Variants in OCA2 observed in about 807,000 individuals in gnomAD.
OCA2 encodes the protein OCA2 melanosomal transmembrane protein.
In OCA2, 77 loss-of-function variants were observed where a neutral mutation model predicts 100.2. The ratio of observed to expected loss-of-function variants is 0.77; its 90% CI spans 0.64 to 0.93. OCA2 has a LOEUF of 0.93. OCA2 is among the 40% of genes least tolerant of loss of function. The pLI, the probability that OCA2 is intolerant of heterozygous loss-of-function variation, is 0.00. For synonymous variants in OCA2, 432 were observed against 439.2 expected, an observed-to-expected ratio of 0.98 and a Z score of 0.21; for missense variants, 1,062 against 1,089.1, an observed-to-expected ratio of 0.98 and a Z score of 0.35.
intron 1 of OCA2, among the ~76,000 whole-genome samples, chr15:28,098,690 C>T (rs1416094854): frequency 6.6e-6 from 1 of 152,212 alleles, no homozygotes; most frequent in Non-Finnish European, 1.5e-5. Context: ...AAACCCAGAG[C>T]GTCCACATAC....
At chr15:27,851,264 G>A in intron 22 of OCA2, 118 bp downstream of exon 22, 2 of 864,536 alleles carry the variant, frequency 2.3e-6, no homozygotes, top group South Asian at 1.4e-5. Context: ...TGTCCACTCA[G>A]GAAATCATCC....
intron 9 of OCA2, among the ~76,000 whole-genome samples, chr15:28,001,963 C>T (rs1012584704): frequency 2.0e-5 from 3 of 152,200 alleles, no homozygotes; most frequent in African/African-American, 7.2e-5. Flanking sequence ...GCTCACGGCA[C>T]TCTGCACCAT....
chr15:27,771,370 G>C (rs1442759632), intron 23 of OCA2, among the ~76,000 whole-genome samples: 1 of 148,040 alleles, frequency 6.8e-6, no homozygotes, highest in Non-Finnish European at 1.5e-5. Context: ...GAGAGGCCCC[G>C]GGGGAGAGAG....
At chr15:28,027,169 C>G (rs994650037) in intron 4 of OCA2, among the ~76,000 whole-genome samples, 1 of 152,246 alleles carries the variant, frequency 6.6e-6, no homozygotes, top group South Asian at 2.1e-4. Flanking sequence ...GGTGAGAGCG[C>G]TACTGCCCGC....
chr15:28,002,353 G>T (rs2041954541), intron 9 of OCA2, among the ~76,000 whole-genome samples: 1 of 152,170 alleles, frequency 6.6e-6, no homozygotes, highest in Non-Finnish European at 1.5e-5. Flanking sequence ...ACCCCATGGG[G>T]CCTCCCTGCA....
intron 19 of OCA2, among the ~76,000 whole-genome samples, chr15:27,918,424 G>A (rs2038745877): frequency 6.6e-6 from 1 of 152,074 alleles, no homozygotes; most frequent in African/African-American, 2.4e-5. Context: ...ATATTCTGCT[G>A]AGGACCCAAA....
intron 11 of OCA2, among the ~76,000 whole-genome samples, chr15:27,988,206 C>A (rs1468591289): frequency 6.6e-6 from 1 of 151,764 alleles, no homozygotes; most frequent in Non-Finnish European, 1.5e-5. Context: ...GAGGCAGGGA[C>A]CTGGTTGTAA....
the OCA2 span, among the ~76,000 whole-genome samples, chr15:27,724,796 A>C: frequency 1.3e-5 from 2 of 148,348 alleles, no homozygotes; most frequent in East Asian, 3.9e-4. Flanking sequence ...AAGAAAAAGC[A>C]CAATTCTGTG....
intron 23 of OCA2, among the ~76,000 whole-genome samples, chr15:27,793,287 T>C (rs2033170987): frequency 6.6e-6 from 1 of 152,288 alleles, no homozygotes; most frequent in Non-Finnish European, 1.5e-5. Flanking sequence ...TGTGCCACCT[T>C]TTGCAATCTT....
chr15:27,986,628 TG>T lies in OCA2; in HGVS notation c.1197del (p.Ile400TyrfsTer13). On this transcript the variant is annotated frameshift_variant, in exon 12 of 24. Transcript: ENST00000354638. LOFTEE classifies it high-confidence loss of function. ...ALLFGMMILVAIFSETGFFDY... is the reference protein window; with the variant it reads ...ALLFGMMILVXIFSETGFFDY... ...TCGAAAAATCCCGTTTCTGAAAATATGGCTACTAAGATCATCTATGGGGAAA... is the reference window on the plus strand; with the variant it reads ...TCGAAAAATCCCGTTTCTGAAAATATGCTACTAAGATCATCTATGGGGAAA... 1 of 1,593,966 alleles carries T rather than the reference TG, an allele frequency of 6.3e-7. No homozygotes were observed.
chr15:28,096,807 C>A (rs2044993015), intron 1 of OCA2, among the ~76,000 whole-genome samples: 1 of 152,072 alleles, frequency 6.6e-6, no homozygotes, highest in Non-Finnish European at 1.5e-5. Flanking sequence ...CGGGAGGCCG[C>A]GGGTGGGCTC....
At chr15:27,923,298 G>A (rs2038932777) in intron 19 of OCA2, among the ~76,000 whole-genome samples, 1 of 152,198 alleles carries the variant, frequency 6.6e-6, no homozygotes, top group Non-Finnish European at 1.5e-5. Context: ...GGTGAATAAT[G>A]CTGCAATGAA....
intron 21 of OCA2, among the ~76,000 whole-genome samples, chr15:27,852,431 G>C (rs1409649262): frequency 6.6e-6 from 1 of 152,018 alleles, no homozygotes; most frequent in East Asian, 1.9e-4. Flanking sequence ...CTCTGTTTTG[G>C]TACCAGACTT....
intron 19 of OCA2, chr15:27,895,750 T>C (rs955239250): frequency 1.2e-5 from 4 of 322,066 alleles, no homozygotes; most frequent in African/African-American, 8.6e-5. Context: ...TTAAGAGATA[T>C]CAAGCGAAAT....
chr15:28,070,378 C>A (rs868396080), intron 2 of OCA2, among the ~76,000 whole-genome samples: 1 of 139,556 alleles, frequency 7.2e-6, no homozygotes, highest in African/African-American at 2.8e-5. Context: ...TCTGCCCGGC[C>A]GCCCCTACTG....
chr15:27,958,616 T>C (rs2040309936), intron 15 of OCA2, among the ~76,000 whole-genome samples: 2 of 152,190 alleles, frequency 1.3e-5, no homozygotes, highest in Non-Finnish European at 2.9e-5. Context: ...CACCTTCTGA[T>C]AGAGAAGAGT....
intron 23 of OCA2, among the ~76,000 whole-genome samples, chr15:27,801,519 T>C (rs1285226507): frequency 7.7e-6 from 1 of 129,926 alleles, no homozygotes; most frequent in East Asian, 2.3e-4. Context: ...GCCACTGCAC[T>C]TCAGCCTGGC....
chr15:27,838,408 C>T lies in OCA2; in HGVS notation c.2432+6551G>A, dbSNP rs577381852. 3.3e-5 allele frequency among the ~76,000 whole-genome samples: 5 copies of T among 152,218 alleles called. No individual in the cohort carries two copies. In the South Asian group the frequency reaches 1.0e-3, roughly 32 times the overall value. Reference sequence around the variant, plus strand: ...GCCAAAAACAGCTGAGTAGTAAAAACAAGCCAGAAAGAAAGTGGTTGAAAT... The same window carrying T: ...GCCAAAAACAGCTGAGTAGTAAAAATAAGCCAGAAAGAAAGTGGTTGAAAT... On this transcript the variant is annotated intron_variant, in intron 23 of 23. Coordinates refer to ENST00000354638, the MANE Select transcript of OCA2 (RefSeq NM_000275.3).
chr15:27,944,878 C>T (rs753273983), intron 18 of OCA2, among the ~76,000 whole-genome samples: 1 of 152,178 alleles, frequency 6.6e-6, no homozygotes, highest in Non-Finnish European at 1.5e-5. Context: ...ACAACTCTGC[C>T]TCCATAAATC....
Sources: gnomAD v4.1 joint callset for allele counts (sites outside exome capture counted in the v4.1 genomes callset) on GRCh38, gnomAD v4.1.1 for gene constraint, MANE v1.5 for transcripts, NCBI Gene and HGNC (gene_info 2026-07-23, HGNC 2026-07-21) for gene names.